The following C10orf90 variants were observed in gnomAD, a reference collection of about 807,000 sequenced individuals.
C10orf90 encodes the protein chromosome 10 open reading frame 90.
A neutral mutation model predicts 62.5 loss-of-function variants in C10orf90; 56 were observed. The ratio of observed to expected loss-of-function variants is 0.90; its 90% confidence interval spans 0.72 to 1.12. The LOEUF (loss-of-function observed/expected upper bound fraction) is 1.12, where lower values mean the gene tolerates loss of function less well. C10orf90 is among the 50% of genes most tolerant of loss of function. The probability of loss-of-function intolerance (pLI) is 0.00; values close to 1 mark genes in which losing one functional copy is unlikely to be tolerated. For missense variants in C10orf90, 970 were observed against 880.4 expected (o/e 1.10, Z -1.29); for synonymous variants, 386 against 340.4 (o/e 1.13, Z -1.47).
At chr10:126,632,149 C>T (rs1845862592) in intron 2 of C10orf90, among the ~76,000 whole-genome samples, 1 of 152,098 alleles carries the variant, frequency 6.6e-6, no homozygotes, top group African/African-American at 2.4e-5. Context: ...AAGTTTCAGG[C>T]CAGGTCTGCC....
chr10:126,608,067 T>A (rs1170427389), intron 2 of C10orf90, among the ~76,000 whole-genome samples: 1 of 152,194 alleles, frequency 6.6e-6, no homozygotes, highest in Non-Finnish European at 1.5e-5. Flanking sequence ...GGATAGATGG[T>A]GGTCAATGTT....
At chr10:126,444,249 A>T (rs1858592747) in intron 7 of C10orf90, among the ~76,000 whole-genome samples, 1 of 152,134 alleles carries the variant, frequency 6.6e-6, no homozygotes, top group African/African-American at 2.4e-5. Context: ...TTTGCTGATG[A>T]TAAGATCATT....
At chr10:126,665,807 G>C (rs1432917208) in intron 1 of C10orf90, among the ~76,000 whole-genome samples, 1 of 152,168 alleles carries the variant, frequency 6.6e-6, no homozygotes, top group Non-Finnish European at 1.5e-5. Flanking sequence ...AATGTAGCTG[G>C]AATTTAGGAA....
At position 126,565,358 on chromosome 10, in the gene C10orf90, T is replaced by TATA. The variant is rs1564874429; in HGVS notation, c.314-51422_314-51420dup. Among the ~76,000 whole-genome samples, 75 of 78,908 alleles carry TATA rather than the reference T, an allele frequency of 9.5e-4. 1 individual carries two copies. Among genetic ancestry groups the TATA allele is most frequent in the African/African-American group, 3.0e-3 (58 of 19,126 alleles). 51.8% of individuals were successfully genotyped at this position (78,908 alleles called of 152,430 possible). ...ATTATATATAATATATAATATATAA[T>TATA]ATATATTATTTTATATAATAATATA... On this transcript the variant is annotated intron_variant, in intron 2 of 9. Coordinates refer to ENST00000488181, the MANE Select transcript of C10orf90 (RefSeq NM_001350921.2).
chr10:126,602,268 G>A (rs114661504), intron 2 of C10orf90, among the ~76,000 whole-genome samples: 1,982 of 152,288 alleles, frequency 0.013, 35 homozygotes, highest in African/African-American at 0.044. Flanking sequence ...CTGAACACCC[G>A]TCTTGACAAA....
At chr10:126,550,491 G>T (rs1864608755) in intron 2 of C10orf90, among the ~76,000 whole-genome samples, 1 of 151,978 alleles carries the variant, frequency 6.6e-6, no homozygotes, top group Admixed American at 6.6e-5. Context: ...AGAACAAAGG[G>T]TATATGAAAT....
intron 2 of C10orf90, among the ~76,000 whole-genome samples, chr10:126,542,547 T>C (rs1263890591): frequency 2.0e-5 from 3 of 152,196 alleles, no homozygotes; most frequent in African/African-American, 7.2e-5. Flanking sequence ...AAAAAAAGGT[T>C]TGGGAACTAG....
At chr10:126,628,875 G>A (rs375986627) in intron 2 of C10orf90, among the ~76,000 whole-genome samples, 17 of 152,302 alleles carry the variant, frequency 1.1e-4, no homozygotes, top group South Asian at 1.0e-3. Flanking sequence ...AGAGGGGCAG[G>A]GGCTGGTCTG....
chr10:126,460,310 C>A (rs1294809112), intron 6 of C10orf90, among the ~76,000 whole-genome samples: 1 of 152,244 alleles, frequency 6.6e-6, no homozygotes, highest in Non-Finnish European at 1.5e-5. Flanking sequence ...ATTGACAATG[C>A]ATCACTCACA....
At chr10:126,571,009 T>A (rs1401202912) in intron 2 of C10orf90, among the ~76,000 whole-genome samples, 2 of 152,202 alleles carry the variant, frequency 1.3e-5, no homozygotes, top group Non-Finnish European at 2.9e-5. Flanking sequence ...TTCACAAACC[T>A]GTGCTCAGCC....
At chr10:126,455,769 T>G (rs1355132777) in intron 7 of C10orf90, among the ~76,000 whole-genome samples, 1 of 152,212 alleles carries the variant, frequency 6.6e-6, no homozygotes, top group East Asian at 1.9e-4. Context: ...AAAATTTTCC[T>G]GCCTCCAAAC....
At chr10:126,626,267 A>C (rs1364682088) in intron 2 of C10orf90, among the ~76,000 whole-genome samples, 1 of 151,682 alleles carries the variant, frequency 6.6e-6, no homozygotes, top group Non-Finnish European at 1.5e-5. Context: ...TGCTCTGTCC[A>C]CCCCCTCAGG....
intron 2 of C10orf90, among the ~76,000 whole-genome samples, chr10:126,515,189 T>G (rs1863368569): frequency 6.6e-6 from 1 of 152,232 alleles, no homozygotes; most frequent in Admixed American, 6.5e-5. Context: ...AAAATTCTTA[T>G]CACCTACTGA....
chr10:126,628,423 G>GA (rs987186073), intron 2 of C10orf90, among the ~76,000 whole-genome samples: 2 of 152,074 alleles, frequency 1.3e-5, no homozygotes, highest in Non-Finnish European at 2.9e-5. Flanking sequence ...ATAAAAAGAT[G>GA]AAAAAAATAG....
chr10:126,488,160 A>G (rs1398009544), intron 4 of C10orf90, among the ~76,000 whole-genome samples: 1 of 152,258 alleles, frequency 6.6e-6, no homozygotes, highest in East Asian at 1.9e-4. Context: ...AACACATATC[A>G]GTTATCAAAA....
chr10:126,667,338 G>T (rs952642988), intron 1 of C10orf90, among the ~76,000 whole-genome samples: 2 of 151,782 alleles, frequency 1.3e-5, no homozygotes, highest in African/African-American at 4.8e-5. Flanking sequence ...GATTACAGGC[G>T]TGAGCCACCA....
At chr10:126,602,292 G>A (rs1206518003) in intron 2 of C10orf90, among the ~76,000 whole-genome samples, 1 of 152,232 alleles carries the variant, frequency 6.6e-6, no homozygotes, top group African/African-American at 2.4e-5. Context: ...GCAGCTATGA[G>A]TAAAATCATG....
chr10:126,594,470 G>A (rs1324904969), intron 2 of C10orf90, among the ~76,000 whole-genome samples: 1 of 152,130 alleles, frequency 6.6e-6, no homozygotes, highest in East Asian at 1.9e-4. Flanking sequence ...GTCAGCAAAT[G>A]TTTCTGAATA....
At chr10:126,577,687 G>A (rs1844655208) in intron 2 of C10orf90, among the ~76,000 whole-genome samples, 1 of 152,050 alleles carries the variant, frequency 6.6e-6, no homozygotes, top group Non-Finnish European at 1.5e-5. Flanking sequence ...AAATTCAGGT[G>A]GAAAATCCAG....
Sources: gnomAD v4.1 joint callset for allele counts (sites outside exome capture counted in the v4.1 genomes callset) on GRCh38, gnomAD v4.1.1 for gene constraint, MANE v1.5 for transcripts, NCBI Gene and HGNC (gene_info 2026-07-23, HGNC 2026-07-21) for gene names.